BTF3L4: variants seen among roughly 807,000 people sequenced by gnomAD.
BTF3L4 encodes basic transcription factor 3 like 4.
In BTF3L4, 6 loss-of-function variants were observed where a neutral mutation model predicts 16.8. The observed-to-expected ratio is 0.36, with a 90% CI of 0.20 to 0.71. BTF3L4 has a LOEUF of 0.71. BTF3L4 is among the 30% of genes least tolerant of loss of function. The probability of loss-of-function intolerance (pLI) is 0.58; values close to 1 mark genes in which losing one functional copy is unlikely to be tolerated. For synonymous variants in BTF3L4, 39 were observed against 59.8 expected (o/e 0.65, Z 1.60); for missense variants, 92 against 186.9 (o/e 0.49, Z 2.96).
At chr1:52,056,938 T>C (rs1159396282) in intron 1 of BTF3L4, among the ~76,000 whole-genome samples, 1 of 152,208 alleles carries the variant, frequency 6.6e-6, no homozygotes, top group African/African-American at 2.4e-5. Flanking sequence ...AGCTAGTGAA[T>C]GGCGGTTTCA....
chr1:52,081,238 A>G (rs1267111985), intron 3 of BTF3L4, among the ~76,000 whole-genome samples: 2 of 151,202 alleles, frequency 1.3e-5, no homozygotes, highest in African/African-American at 2.4e-5. Flanking sequence ...CCTGGGTTCA[A>G]GCCACTTCTG....
chr1:52,062,755 G>A (rs1686549894), intron 2 of BTF3L4, among the ~76,000 whole-genome samples: 2 of 152,228 alleles, frequency 1.3e-5, no homozygotes, highest in Admixed American at 6.5e-5. Flanking sequence ...GCTATTGCTA[G>A]AGTCTAAGGC....
rs774667333 is a variant in BTF3L4, at chr1:52,060,486, C to T, written c.54+585C>T. The T allele has an allele frequency of 2.1e-5, 27 of 1,268,716 alleles. No homozygotes were observed. The South Asian group carries it at 3.3e-4, about 15-fold the overall frequency. The allele number at this position is 1,268,716 out of a possible 1,614,324, so 78.6% of individuals were successfully genotyped here. On this transcript the variant is annotated intron_variant, in intron 2 of 5. Coordinates refer to ENST00000313334, the MANE Select transcript of BTF3L4 (RefSeq NM_152265.5). ...GTTGGTGAATATGAATATCAGCTTT[C>T]TTATTCCCTGTACTTTTTAAAGCCT... is the stretch of plus-strand genomic sequence containing the variant.
chr1:52,071,542 A>G (rs1296276537), intron 3 of BTF3L4, among the ~76,000 whole-genome samples: 1 of 152,236 alleles, frequency 6.6e-6, no homozygotes, highest in African/African-American at 2.4e-5. Flanking sequence ...GAGTTTGCTT[A>G]GAACCTATTA....
At chr1:52,083,285 T>C (rs140100882) in intron 3 of BTF3L4, 55 bp from the exon 4 acceptor site, 103 of 1,448,306 alleles carry the variant, frequency 7.1e-5, no homozygotes, top group Middle Eastern at 7.0e-4. Context: ...TTTAAAAATA[T>C]ATTGTTTTAG....
At chr1:52,079,466 A>T (rs183059772) in intron 3 of BTF3L4, among the ~76,000 whole-genome samples, 9 of 152,020 alleles carry the variant, frequency 5.9e-5, no homozygotes, top group African/African-American at 2.2e-4. Context: ...TAAACTCTCC[A>T]TCCCTTTCTG....
At chr1:52,075,925 G>A (rs186971512) in intron 3 of BTF3L4, among the ~76,000 whole-genome samples, 2 of 152,164 alleles carry the variant, frequency 1.3e-5, no homozygotes, top group African/African-American at 2.4e-5. Context: ...TCAGCCTCCC[G>A]AAGCGTAGGG....
At chr1:52,059,749 C>T (rs1462298420) in intron 1 of BTF3L4, 86 bp from the exon 2 acceptor site, 1 of 1,109,010 alleles carries the variant, frequency 9.0e-7, no homozygotes, top group Non-Finnish European at 1.4e-6. Flanking sequence ...ACTACAAGCT[C>T]AGTGAACCAG....
intron 3 of BTF3L4, among the ~76,000 whole-genome samples, chr1:52,082,580 C>T (rs540711322): frequency 6.6e-5 from 10 of 152,060 alleles, no homozygotes; most frequent in African/African-American, 2.4e-4. Flanking sequence ...ACTAAAAATA[C>T]AAAAATTAGC....
intron 2 of BTF3L4, among the ~76,000 whole-genome samples, chr1:52,061,557 A>G (rs1477817385): frequency 6.6e-6 from 1 of 151,330 alleles, no homozygotes; most frequent in Non-Finnish European, 1.5e-5. Context: ...TGTCATTTCC[A>G]TACTTGCAAA....
At chr1:52,076,451 A>C (rs1195545590) in intron 3 of BTF3L4, among the ~76,000 whole-genome samples, 1 of 150,364 alleles carries the variant, frequency 6.7e-6, no homozygotes, top group Non-Finnish European at 1.5e-5. Flanking sequence ...GTGGCGCGTG[A>C]CTCTAATCCC....
At chr1:52,068,223 A>G (rs1481703945) in intron 3 of BTF3L4, among the ~76,000 whole-genome samples, 1 of 152,206 alleles carries the variant, frequency 6.6e-6, no homozygotes, top group Non-Finnish European at 1.5e-5. Flanking sequence ...AACCTATAAT[A>G]CTGTGCCGAG....
intron 1 of BTF3L4, among the ~76,000 whole-genome samples, chr1:52,059,190 A>G (rs1686449853): frequency 6.6e-6 from 1 of 152,174 alleles, no homozygotes; most frequent in African/African-American, 2.4e-5. Context: ...ATATCAGTGC[A>G]GGGTATTGAA....
chr1:52,082,779 A>T (rs913650231), intron 3 of BTF3L4, among the ~76,000 whole-genome samples: 2 of 152,028 alleles, frequency 1.3e-5, no homozygotes, highest in Admixed American at 6.6e-5. Context: ...AAAATCCCTT[A>T]CAAAGAATGG....
intron 1 of BTF3L4, 69 bp from the exon 2 acceptor site, chr1:52,059,766 C>T (rs1686462655): frequency 1.5e-6 from 2 of 1,365,020 alleles, no homozygotes; most frequent in Non-Finnish European, 2.1e-6. Flanking sequence ...CCAGAAGGTA[C>T]TGTTGCATAA....
In BTF3L4 at chr1:52,087,060, T is replaced by C. The variant is rs1172082060; in HGVS notation, c.*302T>C. On this transcript the variant is annotated 3_prime_UTR_variant, in exon 6 of 6. Transcript: ENST00000313334. ...TTTTTGGTGTATGTATGTTTATGTA[T>C]GTGTGTGGGTATGTGTGTATACAGT... 2 of 268,192 alleles carry C rather than the reference T, an allele frequency of 7.5e-6. No homozygotes were observed. The highest frequency in any genetic ancestry group is 4.5e-5 in the African/African-American group (2 of 44,916). The allele number at this position is 268,192 out of a possible 1,614,324, so 16.6% of individuals were successfully genotyped here.
At position 52,086,854 on chromosome 1, in the gene BTF3L4, G is replaced by A. The variant is rs1216522489; in HGVS notation, c.*96G>A. ...ACATGGAGAACATCACCTGTTACTAGTTCAGTAATATAAATATTTTGTATA... is the reference window on the plus strand; with the variant it reads ...ACATGGAGAACATCACCTGTTACTAATTCAGTAATATAAATATTTTGTATA... On this transcript the variant is annotated 3_prime_UTR_variant, in exon 6 of 6. Coordinates refer to ENST00000313334, the MANE Select transcript of BTF3L4 (RefSeq NM_152265.5). 6.3e-6 allele frequency: 4 copies of A among 634,620 alleles called. No individual in the cohort carries two copies. The East Asian group carries it at 1.2e-4, about 18-fold the overall frequency. 39.3% of individuals were successfully genotyped at this position (634,620 alleles called of 1,614,324 possible).
At chr1:52,064,234 G>A (rs1686589283) in intron 2 of BTF3L4, among the ~76,000 whole-genome samples, 1 of 152,182 alleles carries the variant, frequency 6.6e-6, no homozygotes, top group Admixed American at 6.5e-5. Context: ...TTCAGAGGGG[G>A]CTTTCCTGGA....
chr1:52,084,103 C>G (rs765912177), intron 4 of BTF3L4, among the ~76,000 whole-genome samples: 6 of 151,446 alleles, frequency 4.0e-5, no homozygotes, highest in Non-Finnish European at 7.4e-5. Context: ...AGGGTAGTGC[C>G]CAGATCTTCA....
Sources: allele counts gnomAD v4.1 joint callset (sites outside exome capture counted in the v4.1 genomes callset), GRCh38; gene constraint gnomAD v4.1.1; transcripts MANE v1.5; gene names NCBI Gene and HGNC (gene_info 2026-07-23, HGNC 2026-07-21).